INTS3: variants seen among roughly 807,000 people sequenced by gnomAD.
INTS3 encodes SOSS complex subunit A.
A neutral mutation model predicts 146.3 loss-of-function variants in INTS3; 34 were observed. The observed-to-expected ratio is 0.23, with a 90% CI of 0.18 to 0.31. INTS3 has a LOEUF of 0.31. Ranked by LOEUF, INTS3 falls within the 10% of genes least tolerant of loss-of-function variation. INTS3 has a pLI of 1.00. For missense variants in INTS3, 757 were observed against 1,304.2 expected, an observed-to-expected ratio of 0.58 and a Z score of 6.46; for synonymous variants, 475 against 494.9, an observed-to-expected ratio of 0.96 and a Z score of 0.53.
chr1:153,768,508 C>T (rs6658611), intron 21 of INTS3, among the ~76,000 whole-genome samples: 33 of 152,340 alleles, frequency 2.2e-4, no homozygotes, highest in African/African-American at 7.9e-4. Context: ...AAGGTCAGCA[C>T]AGGTTGGACT....
In INTS3 at chr1:153,771,741, A is replaced by G. The variant is rs958434769; in HGVS notation, c.2553-55A>G. ...CTTGGGAAATAAGTGGGAGAGACCCAGCATGCCCTGCGGCCACTGTGCAAG... is the reference window on the plus strand; with the variant it reads ...CTTGGGAAATAAGTGGGAGAGACCCGGCATGCCCTGCGGCCACTGTGCAAG... On this transcript the variant is annotated intron_variant, in intron 25 of 29. Transcript: ENST00000318967. The G allele has an allele frequency of 5.2e-6, 8 of 1,543,440 alleles. No homozygotes were observed. The African/African-American group carries it at 8.2e-5, about 16-fold the overall frequency.
At chr1:153,747,121 C>A in intron 4 of INTS3, 51 bp downstream of exon 4, 1 of 1,414,598 alleles carries the variant, frequency 7.1e-7, no homozygotes, top group Non-Finnish European at 1.0e-6. Flanking sequence ...GAGGATGGAT[C>A]TTCTCTCTGT....
At chr1:153,767,523 C>T (rs555546264) in intron 20 of INTS3, 151 bp from the exon 21 acceptor site, 1 of 658,012 alleles carries the variant, frequency 1.5e-6, no homozygotes, top group East Asian at 3.2e-5. Context: ...TTATCAAGCC[C>T]CTGTGGGAGG....
In INTS3 at chr1:153,728,497, G is replaced by T; in HGVS notation, c.-138G>T. 9.5e-7 allele frequency: 1 copy of T among 1,052,094 alleles called. No individual in the cohort carries two copies. The highest frequency in any genetic ancestry group is 2.8e-5 in the East Asian group (1 of 36,102). The allele number at this position is 1,052,094 out of a possible 1,614,324, so 65.2% of individuals were successfully genotyped here. A position where few individuals can be genotyped will look rare whatever the true frequency, so the allele number is the denominator to read the frequency against. ...GGCCTTTTGGAGAGGAGGGAGGAGT[G>T]GAGAGGACAGGGGCCCTTGCTCTCC... is the stretch of plus-strand genomic sequence containing the variant. On this transcript the variant is annotated 5_prime_UTR_variant, in exon 1 of 30. Transcript: ENST00000318967.
intron 6 of INTS3, chr1:153,750,704 G>C (rs1671925793): frequency 5.1e-6 from 1 of 197,518 alleles, no homozygotes; most frequent in Admixed American, 5.6e-5. Flanking sequence ...AGTCTGACCT[G>C]GGTAGATACT....
At position 153,773,864 on chromosome 1, in the gene INTS3, C is replaced by T. The variant is rs1673015561; in HGVS notation, c.*594C>T. On this transcript the variant is annotated 3_prime_UTR_variant, in exon 30 of 30. Coordinates refer to ENST00000318967, the MANE Select transcript of INTS3 (RefSeq NM_023015.5). ...GAGTCTGAAAGGGTGGCCACAGCCC[C>T]ACGTGGTGTGCCCTGGAGGCTTAGG... is the stretch of plus-strand genomic sequence containing the variant. 5.9e-6 allele frequency: 1 copy of T among 169,698 alleles called. No homozygotes were observed. The allele number at this position is 169,698 out of a possible 1,614,324, so 10.5% of individuals were successfully genotyped here.
chr1:153,754,123 A>C (rs879905075), intron 8 of INTS3, among the ~76,000 whole-genome samples: 11 of 151,932 alleles, frequency 7.2e-5, no homozygotes, highest in Admixed American at 3.9e-4. Flanking sequence ...TTGTTCTCTC[A>C]TGTCAGGCAG....
chr1:153,731,075 T>G (rs1324935934), intron 1 of INTS3, among the ~76,000 whole-genome samples: 1 of 152,122 alleles, frequency 6.6e-6, no homozygotes, highest in African/African-American at 2.4e-5. Context: ...CATATATGCT[T>G]ACTGTGTGCT....
rs1670928853 is a variant in INTS3 at position 153,728,243 on chromosome 1, C to A, written c.-392C>A. 1 of 393,996 alleles carries A rather than the reference C, an allele frequency of 2.5e-6. No homozygotes were observed. The allele number at this position is 393,996 out of a possible 1,614,324, so 24.4% of individuals were successfully genotyped here. On this transcript the variant is annotated 5_prime_UTR_variant, in exon 1 of 30. Transcript: ENST00000318967. ...TACCTCCTAATTCAGGGGCAGGACTCCTCTTTTCCCCCCACGGGGAAAAGA... is the reference window on the plus strand; with the variant it reads ...TACCTCCTAATTCAGGGGCAGGACTACTCTTTTCCCCCCACGGGGAAAAGA...
At chr1:153,764,555 C>A in intron 18 of INTS3, 135 bp from the exon 19 acceptor site, 1 of 779,920 alleles carries the variant, frequency 1.3e-6, no homozygotes, top group South Asian at 1.4e-5. Context: ...TCTCTGTTAC[C>A]AAGCCTGCGG....
intron 1 of INTS3, among the ~76,000 whole-genome samples, chr1:153,731,570 G>T (rs1037334709): frequency 2.7e-5 from 4 of 147,202 alleles, no homozygotes; most frequent in African/African-American, 9.9e-5. Context: ...GGAGGCCCAA[G>T]AGCGTCCTCT....
chr1:153,739,364 C>T (rs1423125718), intron 1 of INTS3, among the ~76,000 whole-genome samples: 1 of 146,804 alleles, frequency 6.8e-6, no homozygotes, highest in Admixed American at 6.8e-5. Context: ...CGCGCCCGGC[C>T]GGAGTTTCAC....
intron 14 of INTS3, among the ~76,000 whole-genome samples, chr1:153,762,266 T>C (rs545897071): frequency 6.6e-6 from 1 of 152,178 alleles, no homozygotes; most frequent in Non-Finnish European, 1.5e-5. Flanking sequence ...CTGGCCAACA[T>C]CATGAAACTC....
intron 9 of INTS3, among the ~76,000 whole-genome samples, chr1:153,756,889 A>G (rs932475342): frequency 6.6e-6 from 1 of 152,232 alleles, no homozygotes; most frequent in African/African-American, 2.4e-5. Context: ...AATAGCAACC[A>G]TCATTGCCGA....
chr1:153,730,604 C>T (rs921933194), intron 1 of INTS3, among the ~76,000 whole-genome samples: 3 of 152,116 alleles, frequency 2.0e-5, no homozygotes, highest in Admixed American at 6.6e-5. Flanking sequence ...TGAGCAGTGA[C>T]GTGTTTGCTA....
intron 10 of INTS3, 28 bp from the exon 11 acceptor site, chr1:153,759,498 C>T (rs1369903722): frequency 2.0e-6 from 3 of 1,475,698 alleles, no homozygotes; most frequent in Admixed American, 3.3e-5. Flanking sequence ...ATGAAACTAG[C>T]CCTCTGTTTC....
At chr1:153,732,658 G>A (rs1305784006) in intron 1 of INTS3, among the ~76,000 whole-genome samples, 4 of 151,970 alleles carry the variant, frequency 2.6e-5, no homozygotes, top group Non-Finnish European at 5.9e-5. Context: ...ACATTGGCTA[G>A]GCTGGTCTCA....
chr1:153,740,698 C>T lies in INTS3; in HGVS notation c.198C>T (p.Val66=). The T allele has an allele frequency of 6.2e-7, 1 of 1,614,018 alleles. No individual in the cohort carries two copies. The highest frequency in any genetic ancestry group is 8.5e-7 in the Non-Finnish European group (1 of 1,179,946). The part of the protein sequence containing the change: ...MSIVTSMTAG[V]SEREANDALN... ...TTGTGACATCGATGACTGCTGGTGT[C>T]TCGGAGAGAGAAGCCAATGATGCCC... Residue 66 remains valine (V), a synonymous_variant, in exon 2 of 30, where the codon GTC becomes GTT. Coordinates refer to ENST00000318967, the MANE Select transcript of INTS3 (RefSeq NM_023015.5).
rs1425769497 is a variant in INTS3, at chr1:153,740,747, C to G, written c.234+13C>G. ...CCTCAATGCGTATGTAAGTAGAATGCTGTCCCTGCAGCCACTGCTGCTGCT... is the reference window on the plus strand; with the variant it reads ...CCTCAATGCGTATGTAAGTAGAATGGTGTCCCTGCAGCCACTGCTGCTGCT... On this transcript the variant is annotated intron_variant, in intron 2 of 29. Transcript: ENST00000318967. 7 of 1,593,130 alleles carry G rather than the reference C, an allele frequency of 4.4e-6. No individual in the cohort carries two copies. Among genetic ancestry groups the G allele is most frequent in the Middle Eastern group, 3.4e-4 (2 of 5,806 alleles).
Sources: allele counts gnomAD v4.1 joint callset (sites outside exome capture counted in the v4.1 genomes callset), GRCh38; gene constraint gnomAD v4.1.1; transcripts MANE v1.5; gene names NCBI Gene and HGNC (gene_info 2026-07-23, HGNC 2026-07-21).